ANO4: variants seen among roughly 807,000 people sequenced by gnomAD.
The protein encoded by ANO4 is anoctamin-4.
In ANO4, 69 loss-of-function variants were observed where a neutral mutation model predicts 141.9. The observed-to-expected ratio is 0.49, with a 90% CI of 0.40 to 0.59. The LOEUF (loss-of-function observed/expected upper bound fraction) is 0.59, where lower values mean the gene tolerates loss of function less well. Ranked by LOEUF, ANO4 falls within the 20% of genes least tolerant of loss-of-function variation. The probability of loss-of-function intolerance (pLI) is 0.00; values close to 1 mark genes in which losing one functional copy is unlikely to be tolerated. For missense variants in ANO4, 894 were observed against 1,162.2 expected (o/e 0.77, Z 3.36); for synonymous variants, 350 against 394.3 (o/e 0.89, Z 1.33).
chr12:101,080,900 T>TATATATATATATATAC lies in ANO4; in HGVS notation c.1395+1626_1395+1627insTATATATATATATACA, dbSNP rs1194122665. Among the ~76,000 whole-genome samples, 774 of 130,630 alleles carry TATATATATATATATAC rather than the reference T, an allele frequency of 5.9e-3. 12 individuals carry two copies. The highest frequency in any genetic ancestry group is 0.01 in the South Asian group (42 of 4,020). The allele number at this position is 130,630 out of a possible 152,430, so 85.7% of individuals were successfully genotyped here. A position where few individuals can be genotyped will look rare whatever the true frequency, so the allele number is the denominator to read the frequency against. Reference sequence around the variant, plus strand: ...TATATATATTATATATATATATATATACATACACATATACATATATATAAA... The same window carrying TATATATATATATATAC: ...TATATATATTATATATATATATATATATATATATATATATACACATACACATATACATATATATAAA... On this transcript the variant is annotated intron_variant, in intron 15 of 27. Transcript: ENST00000392977.
intron 3 of ANO4, among the ~76,000 whole-genome samples, chr12:100,784,336 C>A (rs2033798701): frequency 6.6e-6 from 1 of 152,164 alleles, no homozygotes; most frequent in African/African-American, 2.4e-5. Context: ...ACCCAGAACA[C>A]CCCTTGTCCC....
chr12:101,073,447 A>T (rs2048900938), intron 14 of ANO4, among the ~76,000 whole-genome samples: 1 of 152,072 alleles, frequency 6.6e-6, no homozygotes, highest in Admixed American at 6.6e-5. Flanking sequence ...GGAGAGGGAT[A>T]GCGTTAGGAG....
chr12:100,857,588 A>G (rs17030705), intron 1 of ANO4, among the ~76,000 whole-genome samples: 6,040 of 152,180 alleles, frequency 0.04, 348 homozygotes, highest in African/African-American at 0.13. Flanking sequence ...TTGCCTCCCC[A>G]TGAAGCTGAT....
In ANO4 at chr12:101,097,691, AG is replaced by A. The variant is rs1208308981; in HGVS notation, c.1893del (p.Arg631SerfsTer4). 1 of 1,613,730 alleles carries A rather than the reference AG, an allele frequency of 6.2e-7. No individual in the cohort carries two copies. The highest frequency in any genetic ancestry group is 2.2e-5 in the East Asian group (1 of 44,878). On this transcript the variant is annotated frameshift_variant, in exon 20 of 28. Transcript: ENST00000392977. LOFTEE classifies it high-confidence loss of function. Reference protein sequence around the residue: ...HPGAYLRLINRWRLEECHPSG... With the variant: ...HPGAYLRLINXWRLEECHPSG... ...AGGTGCCTACTTGAGGCTGATAAAC[AG>A]GTGGAGACTAGAAGAGGTCTGTATT...
At chr12:100,954,048 A>C (rs2043081405) in intron 5 of ANO4, among the ~76,000 whole-genome samples, 1 of 152,098 alleles carries the variant, frequency 6.6e-6, no homozygotes, top group African/African-American at 2.4e-5. Context: ...CTTTTCCATT[A>C]ATCAGTTGAA....
chr12:100,771,442 A>G (rs2033295580), intron 3 of ANO4, among the ~76,000 whole-genome samples: 1 of 152,226 alleles, frequency 6.6e-6, no homozygotes, highest in Non-Finnish European at 1.5e-5. Flanking sequence ...ACTTACTGCA[A>G]TAGTGTAAGC....
At chr12:100,866,725 T>A (rs1002833192) in intron 1 of ANO4, among the ~76,000 whole-genome samples, 2 of 152,122 alleles carry the variant, frequency 1.3e-5, no homozygotes, top group Admixed American at 6.6e-5. Flanking sequence ...AAGCTCAAGG[T>A]CATAGAGATG....
intron 14 of ANO4, among the ~76,000 whole-genome samples, chr12:101,067,490 T>C (rs1321831449): frequency 1.3e-5 from 2 of 152,206 alleles, no homozygotes. Flanking sequence ...AAGACCTGCC[T>C]AGGCAACATC....
chr12:100,878,244 C>A (rs2039409561), intron 1 of ANO4, among the ~76,000 whole-genome samples: 1 of 152,048 alleles, frequency 6.6e-6, no homozygotes, highest in South Asian at 2.1e-4. Flanking sequence ...CTATGGTATG[C>A]CAAGCAGTAA....
chr12:100,867,711 A>G (rs2038823223), intron 1 of ANO4, among the ~76,000 whole-genome samples: 1 of 152,162 alleles, frequency 6.6e-6, no homozygotes, highest in Non-Finnish European at 1.5e-5. Flanking sequence ...ACCAGCACAC[A>G]TCTGTCTGAC....
At chr12:100,943,153 C>T (rs537930901) in intron 5 of ANO4, among the ~76,000 whole-genome samples, 3 of 152,310 alleles carry the variant, frequency 2.0e-5, no homozygotes, top group Admixed American at 6.5e-5. Flanking sequence ...AGAGGCCAGC[C>T]AGGCCTCTGA....
chr12:100,919,524 A>C (rs1051030346), intron 2 of ANO4, among the ~76,000 whole-genome samples: 2 of 152,160 alleles, frequency 1.3e-5, no homozygotes, highest in Non-Finnish European at 2.9e-5. Context: ...AGGCTGCACC[A>C]TGTAACCTAG....
At chr12:100,976,548 T>C (rs2044202760) in intron 7 of ANO4, among the ~76,000 whole-genome samples, 1 of 152,236 alleles carries the variant, frequency 6.6e-6, no homozygotes, top group Admixed American at 6.5e-5. Flanking sequence ...AGAATCACCT[T>C]GTTAAGGCAC....
chr12:101,059,612 G>C (rs1433650594), intron 14 of ANO4, among the ~76,000 whole-genome samples: 2 of 151,936 alleles, frequency 1.3e-5, no homozygotes, highest in African/African-American at 4.8e-5. Flanking sequence ...GCCTTGGGAG[G>C]GTGTATGTGT....
rs553922388 is a variant in ANO4, at chr12:100,805,784, CT to C, written c.-141+10766del. 8.7e-3 allele frequency among the ~76,000 whole-genome samples: 1,318 copies of C among 151,190 alleles called. 8 individuals are homozygous for C. Among genetic ancestry groups the C allele is most frequent in the Middle Eastern group, 0.021 (6 of 292 alleles). ...GGTAAATCTTTTTGGAGGGATCTCA[CT>C]TTTTTTTTATTCAGTCTCTTAGATA... is the stretch of plus-strand genomic sequence containing the variant. On this transcript the variant is annotated intron_variant, in intron 1 of 27. Transcript: ENST00000392977.
chr12:100,793,315 C>T (rs762926837), upstream of ANO4, among the ~76,000 whole-genome samples: 7 of 152,166 alleles, frequency 4.6e-5, no homozygotes, highest in South Asian at 2.1e-4. Flanking sequence ...CTTTCTTCTT[C>T]GTTTAAAAAA....
chr12:101,053,659 G>A (rs896333226), intron 14 of ANO4, among the ~76,000 whole-genome samples: 11 of 152,078 alleles, frequency 7.2e-5, no homozygotes, highest in African/African-American at 1.7e-4. Flanking sequence ...TTCTCAAGAC[G>A]GTGGTCATAT....
At chr12:100,884,942 G>A (rs1458031920) in intron 1 of ANO4, among the ~76,000 whole-genome samples, 2 of 152,170 alleles carry the variant, frequency 1.3e-5, no homozygotes, top group Non-Finnish European at 2.9e-5. Context: ...TGATCCGCCC[G>A]CCTTGGCCTC....
chr12:101,063,745 CTTTTTTTTTTTTTTTTTTTT>C lies in ANO4; in HGVS notation c.1312+15358_1312+15377del. Among the ~76,000 whole-genome samples the C allele has an allele frequency of 3.5e-3, 86 of 24,808 alleles. 1 individual carries two copies. The highest frequency in any genetic ancestry group is 0.028 in the Admixed American group (41 of 1,452). 16.3% of individuals were successfully genotyped at this position (24,808 alleles called of 152,430 possible). A position where few individuals can be genotyped will look rare whatever the true frequency, so the allele number is the denominator to read the frequency against. On this transcript the variant is annotated intron_variant, in intron 14 of 27. Coordinates refer to ENST00000392977, the MANE Select transcript of ANO4 (RefSeq NM_001286615.2). ...ATGGATGGAAGGTTGTCCAGGTTAT[CTTTTTTTTTTTTTTTTTTTT>C]TTTTTTTTTTTTTGCCTTTGAAAGA...
Sources: gnomAD v4.1 joint callset for allele counts (sites outside exome capture counted in the v4.1 genomes callset) on GRCh38, gnomAD v4.1.1 for gene constraint, MANE v1.5 for transcripts, NCBI Gene and HGNC (gene_info 2026-07-23, HGNC 2026-07-21) for gene names.